Variants in THSD7A observed in about 807,000 individuals in gnomAD.
The protein encoded by THSD7A is thrombospondin type-1 domain-containing protein 7A.
In THSD7A, 96 loss-of-function variants were observed where a neutral mutation model predicts 231.3. The ratio of observed to expected loss-of-function variants is 0.41; its 90% CI spans 0.35 to 0.49. The LOEUF (loss-of-function observed/expected upper bound fraction) is 0.49, where lower values mean the gene tolerates loss of function less well. Ranked by LOEUF, THSD7A falls within the 20% of genes least tolerant of loss-of-function variation. THSD7A has a pLI of 0.05. For missense variants in THSD7A, 2,290 were observed against 2,070.2 expected (o/e 1.11, Z -2.06); for synonymous variants, 940 against 743.3 (o/e 1.26, Z -4.30).
chr7:11,394,499 A>C (rs1478113932), intron 23 of THSD7A, among the ~76,000 whole-genome samples: 1 of 152,216 alleles, frequency 6.6e-6, no homozygotes, highest in Non-Finnish European at 1.5e-5. Flanking sequence ...GAATAGCCAA[A>C]GGCAGCTGTT....
At chr7:11,603,647 G>C (rs1780629842) in intron 2 of THSD7A, among the ~76,000 whole-genome samples, 2 of 151,740 alleles carry the variant, frequency 1.3e-5, no homozygotes, top group South Asian at 4.2e-4. Flanking sequence ...AACAATGATA[G>C]ACTGGATTAA....
Position 11,654,463 on chromosome 7 carries a change from C to T in THSD7A, c.191-17502G>A, listed in dbSNP as rs1443809909. ...AATAACTGTGGACACGACATTTTAT[C>T]TCTAACTAGAAAAATCTTCTTTTAG... On this transcript the variant is annotated intron_variant, in intron 1 of 27. Coordinates refer to ENST00000423059, the MANE Select transcript of THSD7A (RefSeq NM_015204.3). Among the ~76,000 whole-genome samples the T allele has an allele frequency of 2.0e-5, 3 of 151,946 alleles. No homozygotes were observed. The South Asian group carries it at 6.2e-4, about 31-fold the overall frequency.
At chr7:11,419,457 TC>T (rs1158057647) in intron 16 of THSD7A, among the ~76,000 whole-genome samples, 1 of 152,116 alleles carries the variant, frequency 6.6e-6, no homozygotes, top group Non-Finnish European at 1.5e-5. Context: ...TGATTGTAAG[TC>T]TCCTCATGCC....
chr7:11,636,147 C>A lies in THSD7A; in HGVS notation c.1005G>T (p.Gly335=). 3.7e-6 allele frequency: 6 copies of A among 1,611,176 alleles called. No individual in the cohort carries two copies. The highest frequency in any genetic ancestry group is 2.7e-5 in the African/African-American group (2 of 74,778). The change falls in exon 2 of 28, where the codon GGG becomes GGT. Residue 335 remains glycine (G), a synonymous_variant. Transcript: ENST00000423059. This position sits in a 1 kb window ranked among gnomAD's most constrained non-coding sequence, Gnocchi z 10.0. ...AATGTTACCTTAAATCAGCAGCTTT[C>A]CCCGTCTTGTTAATGCACATAACCT... ...TREVMCINKT[G]KAADLSFCQQ...
At chr7:11,785,213 TTTAA>T (rs1473516414) in intron 1 of THSD7A, among the ~76,000 whole-genome samples, 1 of 152,138 alleles carries the variant, frequency 6.6e-6, no homozygotes, top group Non-Finnish European at 1.5e-5. Flanking sequence ...AATTTAGTTA[TTTAA>T]TTAATTAATT....
chr7:11,752,942 A>G lies in THSD7A; in HGVS notation c.190+78815T>C, dbSNP rs561904780. On this transcript the variant is annotated intron_variant, in intron 1 of 27. Transcript: ENST00000423059. ...AGACCCTGTCTCAGTCAATCAATCA[A>G]TCAATCAATCAATCAATCATTTCTA... 2.0e-4 allele frequency among the ~76,000 whole-genome samples: 31 copies of G among 152,006 alleles called. No individual in the cohort carries two copies. In the East Asian group the frequency reaches 6.0e-3, roughly 30 times the overall value.
intron 4 of THSD7A, among the ~76,000 whole-genome samples, chr7:11,585,397 A>G (rs1484943957): frequency 6.6e-6 from 1 of 152,160 alleles, no homozygotes; most frequent in African/African-American, 2.4e-5. Flanking sequence ...TGTTTTAATT[A>G]TTATATACAG....
At chr7:11,497,867 G>A (rs1217019462) in intron 6 of THSD7A, among the ~76,000 whole-genome samples, 1 of 152,120 alleles carries the variant, frequency 6.6e-6, no homozygotes, top group Non-Finnish European at 1.5e-5. Context: ...GGAGCCAGGG[G>A]ACCATCCCCT....
chr7:11,653,589 C>T (rs1782594719), intron 1 of THSD7A, among the ~76,000 whole-genome samples: 1 of 151,496 alleles, frequency 6.6e-6, no homozygotes, highest in Admixed American at 6.6e-5. Flanking sequence ...TCCTGGATGT[C>T]TTAAGCTCAA....
rs914926016 is a variant in THSD7A, at chr7:11,373,761, T to C, written c.*2033A>G. 1 of 152,068 alleles carries C rather than the reference T, an allele frequency of 6.6e-6. No homozygotes were observed. The highest frequency in any genetic ancestry group is 2.4e-5 in the African/African-American group (1 of 41,428). 9.4% of individuals were successfully genotyped at this position (152,068 alleles called of 1,614,324 possible). ...GGGAGTTCATACTCCAGTATGAAGG[T>C]AAAAATACCTTCTAATCCAAAACAC... On this transcript the variant is annotated 3_prime_UTR_variant, in exon 28 of 28. Transcript: ENST00000423059.
chr7:11,804,701 A>G (rs1389164407), intron 1 of THSD7A, among the ~76,000 whole-genome samples: 1 of 152,166 alleles, frequency 6.6e-6, no homozygotes, highest in Non-Finnish European at 1.5e-5. Flanking sequence ...TCTTCCTCAA[A>G]GGAAATGTAA....
chr7:11,769,153 A>ATTTTTTTTTTTT (rs1227041855), intron 1 of THSD7A, among the ~76,000 whole-genome samples: 2 of 27,662 alleles, frequency 7.2e-5, no homozygotes, highest in East Asian at 7.4e-4. Flanking sequence ...ATATATATAT[A>ATTTTTTTTTTTT]TTTTTTTTTT....
intron 16 of THSD7A, 140 bp downstream of exon 16, chr7:11,424,556 T>C (rs1423919696): frequency 1.7e-6 from 2 of 1,151,602 alleles, no homozygotes. Flanking sequence ...GAGTTTTCTA[T>C]GAGCACAGAT....
At position 11,600,615 on chromosome 7, in the gene THSD7A, C is replaced by T. The variant is rs140163967; in HGVS notation, c.1023-7113G>A. On this transcript the variant is annotated intron_variant, in intron 2 of 27. Transcript: ENST00000423059. ...GTGTTGATTTGTAGTTTAACTCTTG[C>T]GCATTCTCAATAATCAATAGTGTAT... Among the ~76,000 whole-genome samples the T allele has an allele frequency of 2.9e-3, 441 of 152,160 alleles. 2 individuals are homozygous for T. The highest frequency in any genetic ancestry group is 9.9e-3 in the African/African-American group (412 of 41,526).
chr7:11,816,666 A>G (rs554267551), intron 1 of THSD7A, among the ~76,000 whole-genome samples: 8 of 152,226 alleles, frequency 5.3e-5, no homozygotes, highest in African/African-American at 9.6e-5. Flanking sequence ...TGGGTTATTG[A>G]GGAACATAAG....
chr7:11,415,325 T>A (rs922081198), intron 17 of THSD7A, among the ~76,000 whole-genome samples: 4 of 152,222 alleles, frequency 2.6e-5, no homozygotes, highest in Non-Finnish European at 4.4e-5. Flanking sequence ...GCCTCGGGCA[T>A]CATGAATAAC....
intron 1 of THSD7A, among the ~76,000 whole-genome samples, chr7:11,767,725 T>C (rs553246391): frequency 6.6e-6 from 1 of 152,296 alleles, no homozygotes; most frequent in South Asian, 2.1e-4. Context: ...CCTTAATTAA[T>C]TCTTGTTGAA....
At chr7:11,582,744 T>C (rs187127385) in intron 4 of THSD7A, among the ~76,000 whole-genome samples, 1 of 152,326 alleles carries the variant, frequency 6.6e-6, no homozygotes, top group African/African-American at 2.4e-5. Flanking sequence ...TTTGCTTTTC[T>C]GTAGCTGCTG....
At position 11,446,880 on chromosome 7, in the gene THSD7A, G is replaced by T. The variant is rs540354640; in HGVS notation, c.2800+350C>A. Among the ~76,000 whole-genome samples the T allele has an allele frequency of 6.6e-6, 1 of 152,140 alleles. No homozygotes were observed. Among genetic ancestry groups the T allele is most frequent in the East Asian group, 1.9e-4 (1 of 5,154 alleles). On this transcript the variant is annotated intron_variant, in intron 12 of 27. Transcript: ENST00000423059. This position sits in a 1 kb window ranked among gnomAD's most constrained non-coding sequence, Gnocchi z 4.0. Reference sequence around the variant, plus strand: ...TCTAGGTGAGAAAGGATAATCTGAGGCTCTGACAGTGAGAATGGGTTAACA... The same window carrying T: ...TCTAGGTGAGAAAGGATAATCTGAGTCTCTGACAGTGAGAATGGGTTAACA...
Sources: allele counts gnomAD v4.1 joint callset (sites outside exome capture counted in the v4.1 genomes callset), GRCh38; gene constraint gnomAD v4.1.1; non-coding constraint Gnocchi (gnomAD v3.1); transcripts MANE v1.5; gene names NCBI Gene and HGNC (gene_info 2026-07-23, HGNC 2026-07-21).